GPATCH2: variants seen among roughly 807,000 people sequenced by gnomAD.
GPATCH2 encodes the protein G patch domain-containing protein 2.
A neutral mutation model predicts 58.0 loss-of-function variants in GPATCH2; 51 were observed. That is an observed-to-expected ratio of 0.88 (90% CI 0.70 to 1.11). The LOEUF (loss-of-function observed/expected upper bound fraction) is 1.11, where lower values mean the gene tolerates loss of function less well. Among genes scored for constraint, GPATCH2 ranks in the 50% most tolerant of loss-of-function variants. The pLI, the probability that GPATCH2 is intolerant of heterozygous loss-of-function variation, is 0.00. For missense variants in GPATCH2, 625 were observed against 652.2 expected (o/e 0.96, Z 0.45); for synonymous variants, 222 against 218.5 (o/e 1.02, Z -0.14).
At chr1:217,619,636 A>C in intron 2 of GPATCH2, 147 bp downstream of exon 2, 1 of 402,410 alleles carries the variant, frequency 2.5e-6, no homozygotes, top group Non-Finnish European at 4.3e-6. Context: ...CATAAAGTAT[A>C]AGGAAATATA....
chr1:217,443,966 C>A (rs537986481), intron 9 of GPATCH2, among the ~76,000 whole-genome samples: 3 of 151,846 alleles, frequency 2.0e-5, no homozygotes, highest in Admixed American at 6.6e-5. Flanking sequence ...TTTATGAGAT[C>A]GTCATTGGTA....
chr1:217,569,540 C>T (rs1169618680), intron 5 of GPATCH2, among the ~76,000 whole-genome samples: 1 of 151,488 alleles, frequency 6.6e-6, no homozygotes, highest in Non-Finnish European at 1.5e-5. Context: ...AGTAAAAATA[C>T]AAAAATTAGC....
intron 5 of GPATCH2, among the ~76,000 whole-genome samples, chr1:217,586,046 T>C (rs1667325208): frequency 6.6e-6 from 1 of 152,180 alleles, no homozygotes; most frequent in African/African-American, 2.4e-5. Context: ...TGAATGGAGC[T>C]TGCAGTACTG....
chr1:217,628,678 A>C (rs1669577496), intron 1 of GPATCH2, among the ~76,000 whole-genome samples: 1 of 144,618 alleles, frequency 6.9e-6, no homozygotes, highest in Non-Finnish European at 1.5e-5. Context: ...CCACATAATA[A>C]AGTTAAAAAA....
intron 5 of GPATCH2, among the ~76,000 whole-genome samples, chr1:217,557,441 A>G (rs1013004301): frequency 2.0e-5 from 3 of 150,812 alleles, no homozygotes; most frequent in South Asian, 2.1e-4. Context: ...AATTCCGTTC[A>G]TTTTAATGTG....
intron 5 of GPATCH2, among the ~76,000 whole-genome samples, chr1:217,591,666 C>A (rs758216045): frequency 1.3e-5 from 2 of 152,088 alleles, no homozygotes; most frequent in African/African-American, 4.8e-5. Context: ...TTAGTCTACA[C>A]TATTGACAGT....
intron 5 of GPATCH2, among the ~76,000 whole-genome samples, chr1:217,552,579 G>A (rs756235237): frequency 1.3e-5 from 2 of 152,154 alleles, no homozygotes; most frequent in Non-Finnish European, 2.9e-5. Context: ...ATGTTGGAAC[G>A]AATGGTCAGG....
intron 5 of GPATCH2, among the ~76,000 whole-genome samples, chr1:217,595,410 C>T (rs953479818): frequency 6.6e-6 from 1 of 152,098 alleles, no homozygotes. Flanking sequence ...ATCACTATAG[C>T]TCTAGCTGAA....
chr1:217,555,897 AG>A (rs1290882094), intron 5 of GPATCH2, among the ~76,000 whole-genome samples: 2 of 152,170 alleles, frequency 1.3e-5, no homozygotes, highest in Non-Finnish European at 2.9e-5. Flanking sequence ...AATTTTACGG[AG>A]GGAGAGACTA....
At chr1:217,487,507 C>G (rs1353336752) in intron 8 of GPATCH2, among the ~76,000 whole-genome samples, 1 of 149,316 alleles carries the variant, frequency 6.7e-6, no homozygotes, top group Non-Finnish European at 1.5e-5. Flanking sequence ...CTCACTGCAA[C>G]CTCCGCCTTC....
chr1:217,495,268 TAA>T (rs1453159345), intron 7 of GPATCH2, among the ~76,000 whole-genome samples: 1 of 152,148 alleles, frequency 6.6e-6, no homozygotes, highest in African/African-American at 2.4e-5. Flanking sequence ...TCAAGATTAT[TAA>T]AAGTCTCACA....
chr1:217,455,472 C>A (rs1050668356), intron 8 of GPATCH2, among the ~76,000 whole-genome samples: 3 of 152,160 alleles, frequency 2.0e-5, no homozygotes, highest in African/African-American at 7.2e-5. Flanking sequence ...GATCTGCCTG[C>A]CACTGTGTAG....
intron 9 of GPATCH2, among the ~76,000 whole-genome samples, chr1:217,434,610 T>A (rs536856286): frequency 6.6e-6 from 1 of 152,344 alleles, no homozygotes; most frequent in South Asian, 2.1e-4. Flanking sequence ...TTACTCACAT[T>A]TTTGATAGGA....
chr1:217,605,890 T>C (rs1282931272), intron 5 of GPATCH2, among the ~76,000 whole-genome samples: 3 of 152,130 alleles, frequency 2.0e-5, no homozygotes, highest in African/African-American at 7.2e-5. Flanking sequence ...GCACAAACTA[T>C]GGAAATATAA....
At chr1:217,490,389 T>A (rs1661661044) in intron 8 of GPATCH2, among the ~76,000 whole-genome samples, 1 of 152,222 alleles carries the variant, frequency 6.6e-6, no homozygotes, top group South Asian at 2.1e-4. Flanking sequence ...TTTGTATCTG[T>A]ATCTATGGAT....
chr1:217,577,872 C>G (rs147652486), intron 5 of GPATCH2, among the ~76,000 whole-genome samples: 2,799 of 152,068 alleles, frequency 0.018, 41 homozygotes, highest in Middle Eastern at 0.088. Context: ...TTCAGCCACC[C>G]GAGTAGCTGG....
Position 217,552,708 on chromosome 1 carries a change from G to T in GPATCH2, c.1099-37819C>A, listed in dbSNP as rs144714527. ...TATTTTCATGTGGCCACTACTGGGT[G>T]AAGCTAGGTCTACAGAGATGAAATA... On this transcript the variant is annotated intron_variant, in intron 5 of 9. Coordinates refer to ENST00000366935, the MANE Select transcript of GPATCH2 (RefSeq NM_018040.5). Among the ~76,000 whole-genome samples, 483 of 152,282 alleles carry T rather than the reference G, an allele frequency of 3.2e-3. 3 individuals are homozygous for T. Among genetic ancestry groups the T allele is most frequent in the African/African-American group, 0.011 (450 of 41,562 alleles).
At chr1:217,597,392 T>C (rs1667889481) in intron 5 of GPATCH2, among the ~76,000 whole-genome samples, 2 of 149,546 alleles carry the variant, frequency 1.3e-5, no homozygotes, top group African/African-American at 2.5e-5. Flanking sequence ...ATCAAACGGA[T>C]GCGAGGCTGA....
chr1:217,616,522 C>T (rs957222186), intron 2 of GPATCH2, among the ~76,000 whole-genome samples: 1 of 152,074 alleles, frequency 6.6e-6, no homozygotes, highest in Non-Finnish European at 1.5e-5. Context: ...TGATCCTTGT[C>T]CTACTTTGAG....
Sources: gnomAD v4.1 joint callset for allele counts (sites outside exome capture counted in the v4.1 genomes callset) on GRCh38, gnomAD v4.1.1 for gene constraint, MANE v1.5 for transcripts, NCBI Gene and HGNC (gene_info 2026-07-23, HGNC 2026-07-21) for gene names.